The following RHOA variants were observed in gnomAD, a reference collection of about 807,000 sequenced individuals.
The protein encoded by RHOA is transforming protein RhoA.
A neutral mutation model predicts 17.5 loss-of-function variants in RHOA; 3 were observed. The observed-to-expected ratio is 0.17, with a 90% CI of 0.08 to 0.44. The LOEUF (loss-of-function observed/expected upper bound fraction) is 0.44. RHOA is among the 20% of genes least tolerant of loss of function. The pLI, the probability that RHOA is intolerant of heterozygous loss-of-function variation, is 0.99. For synonymous variants in RHOA, 98 were observed against 88.4 expected (o/e 1.11, Z -0.61); for missense variants, 56 against 242.3 (o/e 0.23, Z 5.10).
intron 1 of RHOA, among the ~76,000 whole-genome samples, chr3:49,398,107 T>TCC (rs2048649350): frequency 6.6e-6 from 1 of 152,126 alleles, no homozygotes; most frequent in Admixed American, 6.5e-5. Context: ...ACACCTATAG[T>TCC]CCCAGCACTT....
At chr3:49,378,041 C>T (rs1269971699) in intron 1 of RHOA, among the ~76,000 whole-genome samples, 2 of 150,010 alleles carry the variant, frequency 1.3e-5, no homozygotes, top group African/African-American at 2.5e-5. Flanking sequence ...CCCAGTTACT[C>T]GGGAGACTGA....
At chr3:49,410,360 A>C (rs1040461604) in intron 1 of RHOA, among the ~76,000 whole-genome samples, 6 of 152,116 alleles carry the variant, frequency 3.9e-5, no homozygotes, top group African/African-American at 1.4e-4. Flanking sequence ...TTAGATCTAA[A>C]ACTCAAGAAC....
intron 1 of RHOA, among the ~76,000 whole-genome samples, chr3:49,398,613 G>A (rs1247814349): frequency 6.6e-6 from 1 of 151,258 alleles, no homozygotes; most frequent in Non-Finnish European, 1.5e-5. Flanking sequence ...CACGAGGTCA[G>A]GAGATCGAGA....
intron 4 of RHOA, chr3:49,360,996 C>A: frequency 3.7e-6 from 1 of 272,952 alleles, no homozygotes; most frequent in Non-Finnish European, 7.7e-6. Flanking sequence ...TCGCTTAAAT[C>A]TGGGAGGCGG....
intron 1 of RHOA, among the ~76,000 whole-genome samples, chr3:49,403,688 G>A (rs1019368534): frequency 2.0e-5 from 3 of 152,114 alleles, no homozygotes; most frequent in African/African-American, 7.2e-5. Context: ...TTCCGACACT[G>A]CACTTCAGCT....
At chr3:49,377,870 T>G (rs1335335784) in intron 1 of RHOA, among the ~76,000 whole-genome samples, 1 of 151,836 alleles carries the variant, frequency 6.6e-6, no homozygotes, top group Non-Finnish European at 1.5e-5. Flanking sequence ...CTTTTTGGGC[T>G]GGGCACGGTA....
intron 1 of RHOA, among the ~76,000 whole-genome samples, chr3:49,405,748 A>T (rs1423103198): frequency 1.3e-5 from 2 of 152,048 alleles, no homozygotes; most frequent in African/African-American, 4.8e-5. Context: ...GGAGTGCAGC[A>T]ATCTTGGCTC....
At position 49,380,931 on chromosome 3, in the gene RHOA, C is replaced by CGT. The variant is rs571180466; in HGVS notation, c.-2-5342_-2-5341dup. Among the ~76,000 whole-genome samples, 27 of 68,334 alleles carry CGT rather than the reference C, an allele frequency of 4.0e-4. No individual in the cohort carries two copies. In the East Asian group the frequency reaches 0.065, roughly 165 times the overall value. The allele number at this position is 68,334 out of a possible 152,430, so 44.8% of individuals were successfully genotyped here. ...ACAATATTACATACAGCAGTGAATA[C>CGT]GTGTGTGTGTATATATATAGATACA... On this transcript the variant is annotated intron_variant, in intron 1 of 4. Transcript: ENST00000418115.
Position 49,360,020 on chromosome 3 carries a change from CTGGTGGGCCAG to C in RHOA, c.*178_*188del. 1.6e-6 allele frequency: 1 copy of C among 606,202 alleles called. No homozygotes were observed. Among genetic ancestry groups the C allele is most frequent in the Non-Finnish European group, 2.7e-6 (1 of 367,008 alleles). The allele number at this position is 606,202 out of a possible 1,614,324, so 37.6% of individuals were successfully genotyped here. ...CTGTTAGAGCAGTGTCAAAAGGACC[CTGGTGGGCCAG>C]ACGGGTTGGACATCGTTAATAATCA... On this transcript the variant is annotated 3_prime_UTR_variant, in exon 5 of 5. Transcript: ENST00000418115.
chr3:49,395,159 G>C (rs2048592729), intron 1 of RHOA, among the ~76,000 whole-genome samples: 1 of 151,684 alleles, frequency 6.6e-6, no homozygotes. Flanking sequence ...GCTGAGGCAG[G>C]AGAATGACGT....
At chr3:49,392,812 G>A (rs1271396896) in intron 1 of RHOA, among the ~76,000 whole-genome samples, 1 of 152,124 alleles carries the variant, frequency 6.6e-6, no homozygotes, top group East Asian at 1.9e-4. Flanking sequence ...ACAGCTGCTG[G>A]ATTGGTCAAA....
chr3:49,391,861 T>A lies in RHOA; in HGVS notation c.-2-16270A>T, dbSNP rs2048517384. ...TTTTTTTTTTGAGACAGCGTTTCGA[T>A]CTTGTCCCCCAGACTGGAGTGTAAT... On this transcript the variant is annotated intron_variant, in intron 1 of 4. Transcript: ENST00000418115. 2.2e-5 allele frequency among the ~76,000 whole-genome samples: 3 copies of A among 135,066 alleles called. No individual in the cohort carries two copies. The Admixed American group carries it at 2.5e-4, about 11-fold the overall frequency. 88.6% of individuals were successfully genotyped at this position (135,066 alleles called of 152,430 possible). A position where few individuals can be genotyped will look rare whatever the true frequency, so the allele number is the denominator to read the frequency against.
intron 1 of RHOA, among the ~76,000 whole-genome samples, chr3:49,396,186 G>A (rs1033543212): frequency 6.6e-6 from 1 of 152,220 alleles, no homozygotes; most frequent in Admixed American, 6.5e-5. Context: ...AGCAACAGGA[G>A]AAAACCTTTT....
chr3:49,396,639 G>A (rs2074295968), intron 1 of RHOA, among the ~76,000 whole-genome samples: 1 of 151,938 alleles, frequency 6.6e-6, no homozygotes, highest in Non-Finnish European at 1.5e-5. Flanking sequence ...CCTGGGAGGT[G>A]GAGGTGTCAG....
chr3:49,408,165 GAAAAA>G (rs11322363), intron 1 of RHOA, among the ~76,000 whole-genome samples: 7 of 146,142 alleles, frequency 4.8e-5, no homozygotes, highest in African/African-American at 1.8e-4. Flanking sequence ...TCTCAAAAGA[GAAAAA>G]AAAAAAAATA....
rs534936690 is a variant in RHOA at position 49,411,923 on chromosome 3, T to C, written c.-106A>G. 1 of 151,928 alleles carries C rather than the reference T, an allele frequency of 6.6e-6. No individual in the cohort carries two copies. The highest frequency in any genetic ancestry group is 2.0e-4 in the South Asian group (1 of 4,976). The allele number at this position is 151,928 out of a possible 1,614,324, so 9.4% of individuals were successfully genotyped here. Reference sequence around the variant, plus strand: ...GGTAGCTGAAGACCAGACCGTGGACTAACGAGAGAACCGACGGAGGACCGC... The same window carrying C: ...GGTAGCTGAAGACCAGACCGTGGACCAACGAGAGAACCGACGGAGGACCGC... On this transcript the variant is annotated 5_prime_UTR_variant, in exon 1 of 5. Transcript: ENST00000418115.
chr3:49,360,682 A>G (rs2107826855), intron 4 of RHOA, among the ~76,000 whole-genome samples: 1 of 151,870 alleles, frequency 6.6e-6, no homozygotes, highest in South Asian at 2.1e-4. Flanking sequence ...GCTGGTCTCG[A>G]ACTCCTGACC....
rs62926260 is a variant in RHOA at position 49,367,342 on chromosome 3, CAAAAAA to C, written c.277+1080_277+1085del. On this transcript the variant is annotated intron_variant, in intron 3 of 4. Transcript: ENST00000418115. ...TGGGAGACAGAGCAAGACTCCCTCT[CAAAAAA>C]AAAAAAAAAAAAAAAAAAGAATACT... Among the ~76,000 whole-genome samples the C allele has an allele frequency of 1.8e-3, 147 of 80,490 alleles. 2 individuals are homozygous for C. Among genetic ancestry groups the C allele is most frequent in the African/African-American group, 5.9e-3 (117 of 19,796 alleles). The allele number at this position is 80,490 out of a possible 152,430, so 52.8% of individuals were successfully genotyped here.
At chr3:49,394,096 T>C (rs2048572508) in intron 1 of RHOA, among the ~76,000 whole-genome samples, 1 of 151,904 alleles carries the variant, frequency 6.6e-6, no homozygotes, top group Non-Finnish European at 1.5e-5. Context: ...GGTCTCAATC[T>C]CCTGACCTCG....
Sources: gnomAD v4.1 joint callset for allele counts (sites outside exome capture counted in the v4.1 genomes callset) on GRCh38, gnomAD v4.1.1 for gene constraint, MANE v1.5 for transcripts, NCBI Gene and HGNC (gene_info 2026-07-23, HGNC 2026-07-21) for gene names.